Variants in ZNF280A observed in about 807,000 individuals in gnomAD.
ZNF280A encodes the protein zinc finger protein 280A, also known as suppressor of hairy wing homolog 1.
A neutral mutation model predicts 35.9 loss-of-function variants in ZNF280A; 26 were observed. That is an observed-to-expected ratio of 0.72 (90% CI 0.53 to 1.01). ZNF280A has a LOEUF of 1.01. Among genes scored for constraint, ZNF280A ranks in the 50% least tolerant of loss-of-function variants. The pLI is 0.00. For synonymous variants in ZNF280A, 231 were observed against 232.9 expected (o/e 0.99, Z 0.07); for missense variants, 654 against 652.0 (o/e 1.00, Z -0.03).
Position 22,515,684 on chromosome 22 carries a change from CTTT to C in ZNF280A, c.-57_-55del. The C allele has an allele frequency of 2.6e-6, 4 of 1,519,412 alleles. No homozygotes were observed. The highest frequency in any genetic ancestry group is 3.5e-6 in the Non-Finnish European group (4 of 1,138,504). 94.1% of individuals were successfully genotyped at this position (1,519,412 alleles called of 1,614,324 possible). A position where few individuals can be genotyped will look rare whatever the true frequency, so the allele number is the denominator to read the frequency against. ...TGGTCTCTTCAACTTCCAGAGCTGT[CTTT>C]TTACAAATTGCCACCTAAGTGCAAC... On this transcript the variant is annotated 5_prime_UTR_variant, in exon 2 of 2. Transcript: ENST00000302097.
At chr22:22,516,304 C>G (rs2062070340) in intron 1 of ZNF280A, among the ~76,000 whole-genome samples, 1 of 151,402 alleles carries the variant, frequency 6.6e-6, no homozygotes, top group Non-Finnish European at 1.5e-5. Context: ...ACAGCACACA[C>G]ACACACACAC....
intron 1 of ZNF280A, among the ~76,000 whole-genome samples, chr22:22,516,519 T>C (rs1214972229): frequency 6.6e-6 from 1 of 151,964 alleles, no homozygotes; most frequent in African/African-American, 2.4e-5. Flanking sequence ...GAAGGTACCA[T>C]GTTCTCTCCC....
Position 22,514,336 on chromosome 22 carries a change from A to G in ZNF280A, c.1295T>C (p.Phe432Ser), listed in dbSNP as rs201465379. Residue 432 changes from phenylalanine (F) to serine (S), a missense_variant, in exon 2 of 2, where the codon TTC becomes TCC. Phe to Ser is a radical substitution (Grantham distance 155). Transcript: ENST00000302097. ...NLLCLFCLKLFKTAIPYMNHC... is the reference protein window; with the variant it reads ...NLLCLFCLKLSKTAIPYMNHC... The stretch of plus-strand genomic sequence containing the variant: ...ATTCATGTATGGTATTGCAGTTTTG[A>G]AAAGTTTGAGACAAAACAGACAAAG... The G allele has an allele frequency of 5.1e-5, 83 of 1,613,736 alleles. No individual in the cohort carries two copies. The highest frequency in any genetic ancestry group is 6.8e-5 in the Non-Finnish European group (80 of 1,179,902).
chr22:22,515,478 C>T lies in ZNF280A; in HGVS notation c.153G>A (p.Met51Ile). Reference sequence around the variant, plus strand: ...AAACGACTGGTTTTGAATTTGAAATCATCCCGACAAAGAGAACTTCAGCAT... The same window carrying T: ...AAACGACTGGTTTTGAATTTGAAATTATCCCGACAAAGAGAACTTCAGCAT... ...HRDAEVLFVGMISNSKPVVSN... is the reference protein window; with the variant it reads ...HRDAEVLFVGIISNSKPVVSN... Residue 51 changes from methionine (M) to isoleucine (I), a missense_variant, in exon 2 of 2, where the codon ATG becomes ATA. Coordinates refer to ENST00000302097, the MANE Select transcript of ZNF280A (RefSeq NM_080740.5). The T allele has an allele frequency of 6.2e-7, 1 of 1,613,850 alleles. No homozygotes were observed. The highest frequency in any genetic ancestry group is 8.5e-7 in the Non-Finnish European group (1 of 1,179,988).
chr22:22,520,194 C>G lies in ZNF280A; in HGVS notation c.-177G>C, dbSNP rs185530609. 6.6e-6 allele frequency: 1 copy of G among 151,998 alleles called. No individual in the cohort carries two copies. Among genetic ancestry groups the G allele is most frequent in the Admixed American group, 6.6e-5 (1 of 15,248 alleles). 9.4% of individuals were successfully genotyped at this position (151,998 alleles called of 1,614,324 possible). ...GCTGGAGCTTCCTTGTCTCCACCTC[C>G]CGGAGAAATTTGTCCAGAGACCGGC... On this transcript the variant is annotated 5_prime_UTR_variant, in exon 1 of 2. Coordinates refer to ENST00000302097, the MANE Select transcript of ZNF280A (RefSeq NM_080740.5).
chr22:22,517,875 G>GAAAA (rs2062090412), intron 1 of ZNF280A, among the ~76,000 whole-genome samples: 2 of 51,304 alleles, frequency 3.9e-5, no homozygotes, highest in East Asian at 2.1e-3. Context: ...AACATCTGAT[G>GAAAA]TAAAAAAAAA....
At chr22:22,519,057 A>G (rs1469224358) in intron 1 of ZNF280A, among the ~76,000 whole-genome samples, 2 of 151,932 alleles carry the variant, frequency 1.3e-5, no homozygotes, top group African/African-American at 4.8e-5. Flanking sequence ...ATATATGTAC[A>G]TACCTATGAT....
Position 22,514,939 on chromosome 22 carries a change from G to C in ZNF280A, c.692C>G (p.Ala231Gly), listed in dbSNP as rs963915715. 16 of 1,613,752 alleles carry C rather than the reference G, an allele frequency of 9.9e-6. No homozygotes were observed. In the Admixed American group the frequency reaches 1.8e-4, roughly 19 times the overall value. Residue 231 changes from alanine to glycine, a missense_variant, in exon 2 of 2, where the codon GCT (alanine) becomes GGT (glycine). By Grantham distance (60) the Ala-to-Gly change is moderately conservative. Transcript: ENST00000302097. ...AAGATTGAAATGTGCCTTTCCATTA[G>C]CATCAGGCCAAGGAAATGTTACTCC... Reference protein sequence around the residue: ...QNGVTFPWPDANGKAHFNLTD... With the variant: ...QNGVTFPWPDGNGKAHFNLTD...
rs361959 is a variant in ZNF280A, at chr22:22,515,418, A to C, written c.213T>G (p.Asn71Lys). The change falls in exon 2 of 2, where the codon AAT (asparagine) becomes AAG (lysine). Residue 71 changes from asparagine (N) to lysine (K), a missense_variant. Coordinates refer to ENST00000302097, the MANE Select transcript of ZNF280A (RefSeq NM_080740.5). Reference protein sequence around the residue: ...NILNRVTPGSNSRRKKGHFRQ... With the variant: ...NILNRVTPGSKSRRKKGHFRQ... Reference sequence around the variant, plus strand: ...GGAAGTGGCCTTTCTTTCTTCTTGAATTTGAGCCTGGGGTGACTCTGTTCA... The same window carrying C: ...GGAAGTGGCCTTTCTTTCTTCTTGACTTTGAGCCTGGGGTGACTCTGTTCA... 560,870 of 1,613,194 alleles carry C rather than the reference A, an allele frequency of 0.35. 106,449 individuals carry two copies. Among genetic ancestry groups the C allele is most frequent in the African/African-American group, 0.7 (52,607 of 74,826 alleles).
In ZNF280A at chr22:22,514,170, A is replaced by G; in HGVS notation, c.1461T>C (p.Pro487=). The G allele has an allele frequency of 6.2e-7, 1 of 1,613,818 alleles. No individual in the cohort carries two copies. The highest frequency in any genetic ancestry group is 8.5e-7 in the Non-Finnish European group (1 of 1,179,958). ...TTTGAATAATAACTTTTGTTTCACT[A>G]GGCAACCCTTGCAGTTGCTCCGGCT... The part of the protein sequence containing the change: ...FKKPEQLQGL[P]SETKVIIQTS... Residue 487 remains proline (P), a synonymous_variant, in exon 2 of 2, where the codon CCT becomes CCC. Transcript: ENST00000302097.
rs773593729 is a variant in ZNF280A, at chr22:22,514,491, T to A, written c.1140A>T (p.Leu380Phe). Reference sequence around the variant, plus strand: ...GCTTATGATGGTCCTTCATGTGTTGTAAGAGGACCTGATCTGTTTCAAATG... The same window carrying A: ...GCTTATGATGGTCCTTCATGTGTTGAAAGAGGACCTGATCTGTTTCAAATG... The part of the protein sequence containing the change: ...ELSFETDQVL[L>F]QHMKDHHKPG... The change falls in exon 2 of 2, where the codon TTA (leucine) becomes TTT (phenylalanine). Residue 380 changes from leucine (L) to phenylalanine (F), a missense_variant. Physicochemically the swap from Leu to Phe is conservative, Grantham distance 22. Transcript: ENST00000302097. The A allele has an allele frequency of 1.2e-6, 2 of 1,613,938 alleles. No individual in the cohort carries two copies. The highest frequency in any genetic ancestry group is 2.7e-5 in the African/African-American group (2 of 75,006).
rs1407976976 is a variant in ZNF280A at position 22,514,025 on chromosome 22, G to A, written c.1606C>T (p.Pro536Ser). Residue 536 changes from proline (P) to serine (S), a missense_variant, in exon 2 of 2, where the codon CCT becomes TCT. Pro to Ser is a moderately conservative substitution (Grantham distance 74). Transcript: ENST00000302097. ...TAMNTRDSRLPCSKDSS is the reference protein window; with the variant it reads ...TAMNTRDSRLSCSKDSS ...TTTCAGCTAGAATCCTTGCTGCAAG[G>A]GAGTCTGGAATCTCTAGTGTTCATA... 1 of 1,571,382 alleles carries A rather than the reference G, an allele frequency of 6.4e-7. No homozygotes were observed. The highest frequency in any genetic ancestry group is 8.7e-7 in the Non-Finnish European group (1 of 1,152,768).
rs1178402490 is a variant in ZNF280A at position 22,514,928 on chromosome 22, C to A, written c.703G>T (p.Ala235Ser). Reference protein sequence around the residue: ...TFPWPDANGKAHFNLTDPERA... With the variant: ...TFPWPDANGKSHFNLTDPERA... ...TCTGGATCTGTAAGATTGAAATGTG[C>A]CTTTCCATTAGCATCAGGCCAAGGA... is the stretch of plus-strand genomic sequence containing the variant. Residue 235 changes from alanine (A) to serine (S), a missense_variant, in exon 2 of 2, where the codon GCA becomes TCA. Ala to Ser is a moderately conservative substitution (Grantham distance 99). Coordinates refer to ENST00000302097, the MANE Select transcript of ZNF280A (RefSeq NM_080740.5). 6.2e-7 allele frequency: 1 copy of A among 1,613,856 alleles called. No individual in the cohort carries two copies.
chr22:22,514,697 A>G lies in ZNF280A; in HGVS notation c.934T>C (p.Phe312Leu). The change falls in exon 2 of 2, where the codon TTT becomes CTT. Residue 312 changes from phenylalanine to leucine, a missense_variant. Coordinates refer to ENST00000302097, the MANE Select transcript of ZNF280A (RefSeq NM_080740.5). ...AAATGATGCTTCATGTGATTCATAA[A>G]CTTAATATTTTTTAGAACTTTCACG... ...SCVKVLKNIK[F>L]MNHMKHHLEF... 1.2e-6 allele frequency: 2 copies of G among 1,613,900 alleles called. No individual in the cohort carries two copies. The highest frequency in any genetic ancestry group is 8.5e-7 in the Non-Finnish European group (1 of 1,179,976).
chr22:22,518,989 C>T (rs901331552), intron 1 of ZNF280A, among the ~76,000 whole-genome samples: 21 of 151,598 alleles, frequency 1.4e-4, no homozygotes, highest in Non-Finnish European at 2.8e-4. Context: ...CCAAGACCCC[C>T]GAAGTGGATG....
intron 1 of ZNF280A, among the ~76,000 whole-genome samples, chr22:22,519,221 G>A (rs1469114917): frequency 6.6e-6 from 1 of 151,734 alleles, no homozygotes; most frequent in East Asian, 2.0e-4. Flanking sequence ...ATCACCTGAG[G>A]TCAGGAGTTT....
At chr22:22,518,459 T>A (rs1261597985) in intron 1 of ZNF280A, among the ~76,000 whole-genome samples, 1 of 151,920 alleles carries the variant, frequency 6.6e-6, no homozygotes, top group Non-Finnish European at 1.5e-5. Flanking sequence ...AAGATTTTTT[T>A]AAACTTGTAC....
chr22:22,518,377 T>C (rs2146904172), intron 1 of ZNF280A, among the ~76,000 whole-genome samples: 1 of 152,142 alleles, frequency 6.6e-6, no homozygotes, highest in South Asian at 2.1e-4. Context: ...CCTTCCCCTG[T>C]TTTTGTACAG....
Position 22,518,780 on chromosome 22 carries a change from T to G in ZNF280A, c.-72+1309A>C, listed in dbSNP as rs2062105022. On this transcript the variant is annotated intron_variant, in intron 1 of 1. Transcript: ENST00000302097. ...TCCAGCCTGGGTGACAGAGTGAGAC[T>G]GTCTCAAAAAAAAAAAAAAGAAAAA... Among the ~76,000 whole-genome samples, 3 of 118,064 alleles carry G rather than the reference T, an allele frequency of 2.5e-5. No homozygotes were observed. The South Asian group carries it at 1.0e-3, about 40-fold the overall frequency. 77.5% of individuals were successfully genotyped at this position (118,064 alleles called of 152,430 possible).
Sources: allele counts gnomAD v4.1 joint callset (sites outside exome capture counted in the v4.1 genomes callset), GRCh38; gene constraint gnomAD v4.1.1; transcripts MANE v1.5; gene names NCBI Gene and HGNC (gene_info 2026-07-23, HGNC 2026-07-21).